Variants in CTNNA3 observed in about 807,000 individuals in gnomAD.
The protein encoded by CTNNA3 is catenin alpha-3.
CTNNA3 carries 76 observed loss-of-function variants against 95.7 expected under a neutral mutation model. The ratio of observed to expected loss-of-function variants is 0.79; its 90% CI spans 0.66 to 0.96. The LOEUF (loss-of-function observed/expected upper bound fraction) is 0.96, where lower values mean the gene tolerates loss of function less well. CTNNA3 is among the 40% of genes least tolerant of loss of function. The pLI, the probability that CTNNA3 is intolerant of heterozygous loss-of-function variation, is 0.00. For missense variants in CTNNA3, 1,191 were observed against 1,089.8 expected (o/e 1.09, Z -1.31); for synonymous variants, 431 against 374.4 (o/e 1.15, Z -1.74).
At chr10:66,043,830 C>A (rs1431491592) in intron 15 of CTNNA3, among the ~76,000 whole-genome samples, 3 of 152,150 alleles carry the variant, frequency 2.0e-5, no homozygotes, top group Non-Finnish European at 2.9e-5. Flanking sequence ...TGGCAGCCAG[C>A]TGGCAAACTG....
intron 11 of CTNNA3, among the ~76,000 whole-genome samples, chr10:66,389,182 A>G (rs2092916621): frequency 1.3e-5 from 2 of 151,950 alleles, no homozygotes; most frequent in Admixed American, 1.3e-4. Context: ...CTTTAAACAC[A>G]GCAAAAGTCA....
At chr10:67,744,453 T>C (rs544091751) in intron 1 of CTNNA3, among the ~76,000 whole-genome samples, 1 of 151,230 alleles carries the variant, frequency 6.6e-6, no homozygotes, top group Admixed American at 6.6e-5. Context: ...TAGCCATATG[T>C]AGAAAGCTGA....
intron 5 of CTNNA3, among the ~76,000 whole-genome samples, chr10:67,231,742 CA>C (rs1338474934): frequency 2.6e-5 from 4 of 152,062 alleles, no homozygotes; most frequent in African/African-American, 9.7e-5. Context: ...AAACCAAAGG[CA>C]AAGAAGTTGA....
chr10:66,550,818 T>C lies in CTNNA3; in HGVS notation c.1375-30045A>G, dbSNP rs866340221. 3.9e-5 allele frequency among the ~76,000 whole-genome samples: 6 copies of C among 152,258 alleles called. No homozygotes were observed. In the South Asian group the frequency reaches 6.2e-4, roughly 16 times the overall value. Reference sequence around the variant, plus strand: ...TTTTCTGCTTATAAATCTCTGATTTTTTTTTCAGTTTGTTCTAGAGATTAC... The same window carrying C: ...TTTTCTGCTTATAAATCTCTGATTTCTTTTTCAGTTTGTTCTAGAGATTAC... On this transcript the variant is annotated intron_variant, in intron 10 of 17. Coordinates refer to ENST00000433211, the MANE Select transcript of CTNNA3 (RefSeq NM_013266.4).
chr10:67,135,500 T>C (rs1860253258), intron 7 of CTNNA3, among the ~76,000 whole-genome samples: 2 of 151,974 alleles, frequency 1.3e-5, no homozygotes, highest in South Asian at 4.1e-4. Flanking sequence ...TCATCTCTAC[T>C]AAAAAATTAA....
At chr10:66,761,647 CT>C (rs1283519793) in intron 9 of CTNNA3, among the ~76,000 whole-genome samples, 5 of 151,894 alleles carry the variant, frequency 3.3e-5, no homozygotes, top group African/African-American at 1.2e-4. Context: ...TCATAATAGC[CT>C]TTTTAATAAT....
intron 9 of CTNNA3, among the ~76,000 whole-genome samples, chr10:66,678,812 G>GA (rs1846960958): frequency 6.6e-6 from 1 of 152,074 alleles, no homozygotes; most frequent in African/African-American, 2.4e-5. Flanking sequence ...ACTAAGGGGG[G>GA]AAAAACATGT....
rs575590074 is a variant in CTNNA3, at chr10:67,666,073, C to T, written c.-5-18555G>A. 9.9e-5 allele frequency among the ~76,000 whole-genome samples: 15 copies of T among 152,138 alleles called. No homozygotes were observed. The East Asian group carries it at 2.7e-3, about 27-fold the overall frequency. ...CACAGAAAAGCCATTCTTTCTTTTCCTTATAATATCAACTTTTATTTTAGA... is the reference window on the plus strand; with the variant it reads ...CACAGAAAAGCCATTCTTTCTTTTCTTTATAATATCAACTTTTATTTTAGA... On this transcript the variant is annotated intron_variant, in intron 1 of 17. Transcript: ENST00000433211.
At chr10:66,667,403 A>G (rs577959255) in intron 9 of CTNNA3, among the ~76,000 whole-genome samples, 1 of 152,272 alleles carries the variant, frequency 6.6e-6, no homozygotes, top group Non-Finnish European at 1.5e-5. Context: ...ACGTTAAGAG[A>G]ACAGAGCTGA....
intron 7 of CTNNA3, among the ~76,000 whole-genome samples, chr10:66,776,557 C>T (rs1840309279): frequency 6.6e-6 from 1 of 152,172 alleles, no homozygotes; most frequent in African/African-American, 2.4e-5. Context: ...TATACTCTGT[C>T]CTAACCTACT....
intron 1 of CTNNA3, among the ~76,000 whole-genome samples, chr10:67,725,944 T>TC: frequency 8.7e-6 from 1 of 115,234 alleles, no homozygotes; most frequent in African/African-American, 3.6e-5. Flanking sequence ...TAATTATTTT[T>TC]AGTATATGTA....
chr10:66,312,555 T>C (rs568172493), intron 12 of CTNNA3, among the ~76,000 whole-genome samples: 1 of 54,948 alleles, frequency 1.8e-5, no homozygotes, highest in East Asian at 4.7e-4. Flanking sequence ...TTGCAGATTG[T>C]TTTTTTTTTT....
chr10:66,682,941 C>A (rs932520465), intron 9 of CTNNA3, among the ~76,000 whole-genome samples: 1 of 152,122 alleles, frequency 6.6e-6, no homozygotes, highest in Non-Finnish European at 1.5e-5. Context: ...CATACCTGCC[C>A]TCCTCATTTC....
At chr10:66,005,628 A>G (rs2078863101) in intron 15 of CTNNA3, among the ~76,000 whole-genome samples, 1 of 152,084 alleles carries the variant, frequency 6.6e-6, no homozygotes, top group African/African-American at 2.4e-5. Flanking sequence ...GATACACTAC[A>G]TATTAAGTTT....
intron 11 of CTNNA3, among the ~76,000 whole-genome samples, chr10:66,471,426 T>C (rs1243699546): frequency 4.6e-5 from 7 of 151,898 alleles, no homozygotes; most frequent in Non-Finnish European, 1.0e-4. Flanking sequence ...CTTCAGCATA[T>C]TGAGATGTTT....
chr10:66,046,387 A>T (rs2079828685), intron 15 of CTNNA3, among the ~76,000 whole-genome samples: 1 of 152,178 alleles, frequency 6.6e-6, no homozygotes, highest in Admixed American at 6.6e-5. Context: ...CTTTCCAGCA[A>T]AAGTAGCTGC....
intron 13 of CTNNA3, among the ~76,000 whole-genome samples, chr10:66,274,008 G>A (rs2091336913): frequency 6.6e-6 from 1 of 152,062 alleles, no homozygotes; most frequent in Non-Finnish European, 1.5e-5. Context: ...ATGTATAAAG[G>A]AAAACTAATA....
At chr10:67,100,718 G>C (rs1858289719) in intron 7 of CTNNA3, among the ~76,000 whole-genome samples, 1 of 151,674 alleles carries the variant, frequency 6.6e-6, no homozygotes, top group South Asian at 2.1e-4. Flanking sequence ...AAGTTATGCA[G>C]TGTTTTGAAG....
chr10:66,523,611 T>C (rs186839394), intron 10 of CTNNA3, among the ~76,000 whole-genome samples: 1 of 152,336 alleles, frequency 6.6e-6, no homozygotes, highest in Admixed American at 6.5e-5. Context: ...TGTTGCTTTC[T>C]GAGGCATTTT....
Sources: allele counts gnomAD v4.1 joint callset (sites outside exome capture counted in the v4.1 genomes callset), GRCh38; gene constraint gnomAD v4.1.1; transcripts MANE v1.5; gene names NCBI Gene and HGNC (gene_info 2026-07-23, HGNC 2026-07-21).